The following PIK3C2B variants were observed in gnomAD, a reference collection of about 807,000 sequenced individuals.
The protein encoded by PIK3C2B is phosphatidylinositol 4-phosphate 3-kinase C2 domain-containing subunit beta.
A neutral mutation model predicts 184.3 loss-of-function variants in PIK3C2B; 83 were observed. That is an observed-to-expected ratio of 0.45 (90% confidence interval 0.38 to 0.54). The LOEUF is 0.54. PIK3C2B is among the 20% of genes least tolerant of loss of function. PIK3C2B has a pLI of 0.00. For synonymous variants in PIK3C2B, 779 were observed against 837.6 expected, an observed-to-expected ratio of 0.93 and a Z score of 1.21; for missense variants, 1,736 against 2,113.5, an observed-to-expected ratio of 0.82 and a Z score of 3.50.
chr1:204,454,907 G>A lies in PIK3C2B; in HGVS notation c.1944-116C>T, dbSNP rs569692748. ...CCTGGTAAAACTCTCAGTCTCTGAG[G>A]GCTGTAACACAGGATCTCCGGATAG... On this transcript the variant is annotated intron_variant, in intron 11 of 32. Coordinates refer to ENST00000684373, the MANE Select transcript of PIK3C2B (RefSeq NM_001377334.1). 2.9e-4 allele frequency: 337 copies of A among 1,177,062 alleles called. 1 individual carries two copies. The African/African-American group carries it at 4.4e-3, about 15-fold the overall frequency. 72.9% of individuals were successfully genotyped at this position (1,177,062 alleles called of 1,614,324 possible).
At position 204,455,925 on chromosome 1, in the gene PIK3C2B, C is replaced by G; in HGVS notation, c.1874G>C (p.Cys625Ser). The change falls in exon 11 of 33, where the codon TGC (cysteine) becomes TCC (serine). Residue 625 changes from cysteine to serine, a missense_variant. Coordinates refer to ENST00000684373, the MANE Select transcript of PIK3C2B (RefSeq NM_001377334.1). ...SRKHDLVQEA[C>S]HFARSLAFTV... ...GAAGGCCAGGGACCTGGCGAAATGG[C>G]AGGCCTCCTGGACCAGGTCATGCTT... 4 of 1,614,156 alleles carry G rather than the reference C, an allele frequency of 2.5e-6. No homozygotes were observed. Among genetic ancestry groups the G allele is most frequent in the Non-Finnish European group, 3.4e-6 (4 of 1,180,002 alleles).
In PIK3C2B at chr1:204,444,163, C is replaced by T; in HGVS notation, c.2773-1G>A. ...CCAGGTAGCATTCATACTTCAGGGCCTGTTTCGGAGAAAGGGAGAAAGAGA... is the reference window on the plus strand; with the variant it reads ...CCAGGTAGCATTCATACTTCAGGGCTTGTTTCGGAGAAAGGGAGAAAGAGA... On this transcript the variant is annotated splice_acceptor_variant, in intron 17 of 32. Coordinates refer to ENST00000684373, the MANE Select transcript of PIK3C2B (RefSeq NM_001377334.1). LOFTEE classifies it high-confidence loss of function. 6.2e-7 allele frequency: 1 copy of T among 1,607,284 alleles called. No homozygotes were observed.
At chr1:204,460,842 G>C (rs1215568515) in intron 5 of PIK3C2B, among the ~76,000 whole-genome samples, 181 bp from the exon 6 acceptor site, 1 of 152,160 alleles carries the variant, frequency 6.6e-6, no homozygotes, top group Non-Finnish European at 1.5e-5. Flanking sequence ...AAGGAACAGA[G>C]GTCTATCTAA....
intron 1 of PIK3C2B, among the ~76,000 whole-genome samples, chr1:204,471,030 T>A (rs1036885587): frequency 6.6e-6 from 1 of 152,272 alleles, no homozygotes; most frequent in Non-Finnish European, 1.5e-5. Context: ...TTGGAGGTGA[T>A]GAATATGTTC....
Position 204,442,586 on chromosome 1 carries a change from G to A in PIK3C2B, c.3096C>T (p.Leu1032=). ...GLEEVKQFFA[L]NGSCRLPLSP... ...TGAGTGGCAAGCGGCACGAGCCATT[G>A]AGGGCAAAGAACTGCTTCACCTCCT... Residue 1032 remains leucine, a synonymous_variant, in exon 20 of 33, where the codon CTC becomes CTT. Coordinates refer to ENST00000684373, the MANE Select transcript of PIK3C2B (RefSeq NM_001377334.1). 2 of 1,556,818 alleles carry A rather than the reference G, an allele frequency of 1.3e-6. No individual in the cohort carries two copies. The highest frequency in any genetic ancestry group is 8.7e-7 in the Non-Finnish European group (1 of 1,149,760).
chr1:204,460,479 G>A lies in PIK3C2B; in HGVS notation c.1422+71C>T, dbSNP rs1655236764. ...CAGCACTCCTACCCCCCTCCCACCT[G>A]ATGTGTTCTATATTGTATTCCCATT... On this transcript the variant is annotated intron_variant, in intron 6 of 32. Transcript: ENST00000684373. 3 of 1,538,426 alleles carry A rather than the reference G, an allele frequency of 2.0e-6. No homozygotes were observed. In the East Asian group the frequency reaches 6.7e-5, roughly 35 times the overall value.
chr1:204,446,522 C>T (rs967927124), intron 15 of PIK3C2B, among the ~76,000 whole-genome samples: 8 of 152,234 alleles, frequency 5.3e-5, no homozygotes, highest in African/African-American at 1.9e-4. Flanking sequence ...GCTACCCCTC[C>T]TGCGGATGCC....
At chr1:204,442,279 C>T (rs1675707646) in intron 20 of PIK3C2B, among the ~76,000 whole-genome samples, 1 of 152,108 alleles carries the variant, frequency 6.6e-6, no homozygotes, top group Non-Finnish European at 1.5e-5. Flanking sequence ...CCCTCTGCCT[C>T]GTTTCTCCTT....
chr1:204,458,166 T>C (rs1655025949), intron 8 of PIK3C2B, among the ~76,000 whole-genome samples: 1 of 152,132 alleles, frequency 6.6e-6, no homozygotes, highest in African/African-American at 2.4e-5. Flanking sequence ...ACTATACACA[T>C]ATATACAGGG....
intron 1 of PIK3C2B, among the ~76,000 whole-genome samples, chr1:204,474,233 C>T (rs1477671126): frequency 1.3e-5 from 2 of 152,072 alleles, no homozygotes; most frequent in East Asian, 1.9e-4. Flanking sequence ...TCAGGTGATC[C>T]GCCCGCCTCG....
intron 1 of PIK3C2B, among the ~76,000 whole-genome samples, chr1:204,470,665 T>C (rs1656242305): frequency 6.6e-6 from 1 of 152,218 alleles, no homozygotes; most frequent in Admixed American, 6.5e-5. Flanking sequence ...CCAAGGAAAA[T>C]AAAAGCATAT....
At chr1:204,454,278 C>T (rs1572340110) in intron 12 of PIK3C2B, among the ~76,000 whole-genome samples, 3 of 150,742 alleles carry the variant, frequency 2.0e-5, no homozygotes, top group Admixed American at 1.3e-4. Context: ...GTCAGGAGAT[C>T]GAGACTATCC....
chr1:204,453,367 C>T (rs1339043468), intron 12 of PIK3C2B, among the ~76,000 whole-genome samples: 3 of 152,200 alleles, frequency 2.0e-5, no homozygotes, highest in East Asian at 1.9e-4. Flanking sequence ...CCTACCTTCC[C>T]GACACCAAAT....
At chr1:204,448,098 AACTTATTT>A (rs954802416) in intron 14 of PIK3C2B, among the ~76,000 whole-genome samples, 1 of 152,180 alleles carries the variant, frequency 6.6e-6, no homozygotes, top group Admixed American at 6.5e-5. Context: ...TCATTCAAAA[AACTTATTT>A]ATTTATTCAT....
At chr1:204,425,516 A>T in intron 32 of PIK3C2B, 97 bp downstream of exon 32, 1 of 1,331,412 alleles carries the variant, frequency 7.5e-7, no homozygotes, top group Non-Finnish European at 1.1e-6. Flanking sequence ...CCATGTTCTT[A>T]ATACAACATC....
At chr1:204,454,027 G>A (rs930084259) in intron 12 of PIK3C2B, among the ~76,000 whole-genome samples, 26 of 151,684 alleles carry the variant, frequency 1.7e-4, no homozygotes, top group African/African-American at 4.1e-4. Context: ...CGCCCGCCTC[G>A]GCCTCCCAAA....
At chr1:204,430,500 C>A (rs1003329672) in intron 28 of PIK3C2B, among the ~76,000 whole-genome samples, 1 of 151,708 alleles carries the variant, frequency 6.6e-6, no homozygotes, top group South Asian at 2.1e-4. Flanking sequence ...CACACACCAC[C>A]GCACCCAGCT....
Position 204,433,758 on chromosome 1 carries a change from G to T in PIK3C2B, c.3843+35C>A. 1 of 1,593,972 alleles carries T rather than the reference G, an allele frequency of 6.3e-7. No homozygotes were observed. Among genetic ancestry groups the T allele is most frequent in the South Asian group, 1.1e-5 (1 of 90,576 alleles). On this transcript the variant is annotated intron_variant, in intron 25 of 32. Coordinates refer to ENST00000684373, the MANE Select transcript of PIK3C2B (RefSeq NM_001377334.1). The surrounding 1 kb of genome is among the most constrained non-coding windows in gnomAD (Gnocchi z 5.0). ...TCTTAAAGATGATGCCAGATAATAA[G>T]AAGAAGGTATTCGGAAAGGGATGGA...
chr1:204,462,916 G>T (rs548934794), intron 5 of PIK3C2B, among the ~76,000 whole-genome samples: 1 of 151,814 alleles, frequency 6.6e-6, no homozygotes, highest in Non-Finnish European at 1.5e-5. Context: ...TTAGCCGGGC[G>T]TGGTGGTGCT....
Sources: allele counts gnomAD v4.1 joint callset (sites outside exome capture counted in the v4.1 genomes callset), GRCh38; gene constraint gnomAD v4.1.1; non-coding constraint Gnocchi (gnomAD v3.1); transcripts MANE v1.5; gene names NCBI Gene and HGNC (gene_info 2026-07-23, HGNC 2026-07-21).